FARS2: variants seen among roughly 807,000 people sequenced by gnomAD.
The protein encoded by FARS2 is phenylalanyl-tRNA synthetase 2, mitochondrial, also known as phenylalanine--tRNA ligase, mitochondrial.
A neutral mutation model predicts 46.4 loss-of-function variants in FARS2; 40 were observed. The observed-to-expected ratio is 0.86, with a 90% CI of 0.67 to 1.12. FARS2 has a LOEUF of 1.12. Among genes scored for constraint, FARS2 ranks in the 50% most tolerant of loss-of-function variants. The pLI, the probability that FARS2 is intolerant of heterozygous loss-of-function variation, is 0.00. For missense variants in FARS2, 513 were observed against 567.9 expected, an observed-to-expected ratio of 0.90 and a Z score of 0.98; for synonymous variants, 234 against 214.9, an observed-to-expected ratio of 1.09 and a Z score of -0.78.
intron 2 of FARS2, among the ~76,000 whole-genome samples, chr6:5,371,972 A>G (rs1297710280): frequency 1.3e-5 from 2 of 152,112 alleles, no homozygotes; most frequent in African/African-American, 4.8e-5. Context: ...GGGGCAGGAA[A>G]AAGAGATATC....
intron 2 of FARS2, among the ~76,000 whole-genome samples, chr6:5,392,951 T>TAC (rs1760663155): frequency 3.4e-5 from 4 of 116,208 alleles, no homozygotes; most frequent in Middle Eastern, 5.1e-3. Flanking sequence ...TATATATATA[T>TAC]ACACATAAAA....
intron 4 of FARS2, among the ~76,000 whole-genome samples, chr6:5,510,039 G>A (rs9502309): frequency 0.12 from 18,653 of 152,134 alleles, 1,205 homozygotes; most frequent in South Asian, 0.18. Context: ...TAAGGAGAGT[G>A]TCATCTGGAT....
chr6:5,252,284 A>G, the FARS2 span, among the ~76,000 whole-genome samples: 2 of 152,138 alleles, frequency 1.3e-5, no homozygotes, highest in Non-Finnish European at 2.9e-5. Context: ...GCCCACGGGG[A>G]GCGAGGCGGC....
At chr6:5,414,565 C>G (rs1762111171) in intron 3 of FARS2, among the ~76,000 whole-genome samples, 1 of 152,160 alleles carries the variant, frequency 6.6e-6, no homozygotes, top group Non-Finnish European at 1.5e-5. Context: ...GAGATTCATG[C>G]ATTTTGTAGC....
chr6:5,625,992 T>C (rs920961465), intron 6 of FARS2, among the ~76,000 whole-genome samples: 2 of 152,176 alleles, frequency 1.3e-5, no homozygotes, highest in African/African-American at 4.8e-5. Context: ...TTTTGTTTAA[T>C]AGTGTACAGC....
At chr6:5,310,049 G>A (rs564051214) in intron 1 of FARS2, among the ~76,000 whole-genome samples, 1 of 152,186 alleles carries the variant, frequency 6.6e-6, no homozygotes, top group South Asian at 2.1e-4. Flanking sequence ...CAAAATAATT[G>A]TTCAAAAATA....
intron 6 of FARS2, among the ~76,000 whole-genome samples, chr6:5,720,928 C>T (rs1759854733): frequency 6.6e-6 from 1 of 152,082 alleles, no homozygotes; most frequent in African/African-American, 2.4e-5. Context: ...TAGCACATGC[C>T]TGTAGTCCCA....
chr6:5,710,221 C>T (rs1478144627), intron 6 of FARS2, among the ~76,000 whole-genome samples: 2 of 152,124 alleles, frequency 1.3e-5, no homozygotes, highest in African/African-American at 4.8e-5. Flanking sequence ...AGATGAGCGC[C>T]GCTGTACAAC....
At chr6:5,404,865 T>A (rs567597291) in intron 3 of FARS2, among the ~76,000 whole-genome samples, 164 bp downstream of exon 3, 1 of 151,284 alleles carries the variant, frequency 6.6e-6, no homozygotes, top group South Asian at 2.1e-4. Context: ...AGTGGTGCGA[T>A]CTCGGCTCAC....
At chr6:5,521,389 T>C (rs1207643224) in intron 4 of FARS2, among the ~76,000 whole-genome samples, 1 of 149,016 alleles carries the variant, frequency 6.7e-6, no homozygotes. Context: ...AAAAAAAAGA[T>C]GAGGATAGCC....
chr6:5,348,189 A>G (rs1757354582), intron 1 of FARS2, among the ~76,000 whole-genome samples: 1 of 152,188 alleles, frequency 6.6e-6, no homozygotes, highest in Admixed American at 6.5e-5. Context: ...CATTCTCTCA[A>G]TATTTTCTTT....
intron 5 of FARS2, among the ~76,000 whole-genome samples, chr6:5,602,564 T>C (rs1774583818): frequency 7.0e-6 from 1 of 143,330 alleles, no homozygotes; most frequent in Admixed American, 7.5e-5. Flanking sequence ...GGAGAATCAC[T>C]TGGACCCAGG....
At chr6:5,395,966 AT>A (rs1193826892) in intron 2 of FARS2, among the ~76,000 whole-genome samples, 4 of 152,186 alleles carry the variant, frequency 2.6e-5, no homozygotes, top group African/African-American at 4.8e-5. Context: ...TAAATCTTGA[AT>A]TTTAATGTTA....
At chr6:5,684,512 A>G (rs962221282) in intron 6 of FARS2, among the ~76,000 whole-genome samples, 2 of 152,204 alleles carry the variant, frequency 1.3e-5, no homozygotes, top group African/African-American at 4.8e-5. Flanking sequence ...CTCCTATGTT[A>G]GCAAATGCTG....
rs1477104201 is a variant in FARS2, at chr6:5,765,102, T to C, written c.1218-6189T>C. 6.6e-6 allele frequency among the ~76,000 whole-genome samples: 1 copy of C among 152,262 alleles called. No homozygotes were observed. The highest frequency in any genetic ancestry group is 1.5e-5 in the Non-Finnish European group (1 of 68,046). Reference sequence around the variant, plus strand: ...CACCTATACATCCTTGTCTTTGGTCTAGGGGCTCTGGTAGGAGGCGGCATT... The same window carrying C: ...CACCTATACATCCTTGTCTTTGGTCCAGGGGCTCTGGTAGGAGGCGGCATT... On this transcript the variant is annotated intron_variant, in intron 6 of 6. Transcript: ENST00000274680. The surrounding 1 kb of genome is among the most constrained non-coding windows in gnomAD (Gnocchi z 4.0).
chr6:5,531,259 G>T (rs760518486), intron 4 of FARS2, among the ~76,000 whole-genome samples: 4 of 152,194 alleles, frequency 2.6e-5, no homozygotes, highest in Non-Finnish European at 5.9e-5. Context: ...CCTGCAGGGG[G>T]TGGTGCATCA....
chr6:5,634,588 G>C (rs556176101), intron 6 of FARS2, among the ~76,000 whole-genome samples: 9 of 152,124 alleles, frequency 5.9e-5, no homozygotes, highest in Non-Finnish European at 8.8e-5. Flanking sequence ...CCTCCCAAAG[G>C]CATGAGCCAC....
chr6:5,391,239 G>A (rs1435916060), intron 2 of FARS2, among the ~76,000 whole-genome samples: 1 of 152,124 alleles, frequency 6.6e-6, no homozygotes, highest in Non-Finnish European at 1.5e-5. Context: ...GTCATGACTT[G>A]GAGATTTTGG....
rs1766347044 is a variant in FARS2, at chr6:5,276,542, C to T, written c.-22+14882C>T. On this transcript the variant is annotated intron_variant, in intron 1 of 6. Coordinates refer to ENST00000274680, the MANE Select transcript of FARS2 (RefSeq NM_006567.5). ...AATCTGTGATGACTATGTTAATCTG[C>T]ATACCCTTGTGAATTGCAGGAACTA... Among the ~76,000 whole-genome samples the T allele has an allele frequency of 2.6e-5, 4 of 152,208 alleles. 1 individual carries two copies. In the South Asian group the frequency reaches 6.2e-4, roughly 24 times the overall value.
Sources: gnomAD v4.1 joint callset for allele counts (sites outside exome capture counted in the v4.1 genomes callset) on GRCh38, gnomAD v4.1.1 for gene constraint, Gnocchi (gnomAD v3.1) non-coding constraint, MANE v1.5 for transcripts, NCBI Gene and HGNC (gene_info 2026-07-23, HGNC 2026-07-21) for gene names.